FCGR2A: variants seen among roughly 807,000 people sequenced by gnomAD.
The protein encoded by FCGR2A is low affinity immunoglobulin gamma Fc region receptor II-a.
In FCGR2A, 18 loss-of-function variants were observed where a neutral mutation model predicts 29.3. The observed-to-expected ratio is 0.62, with a 90% CI of 0.43 to 0.91. The LOEUF is 0.91. Ranked by LOEUF, FCGR2A falls within the 40% of genes least tolerant of loss-of-function variation. The pLI is 0.00. For missense variants in FCGR2A, 287 were observed against 393.0 expected (o/e 0.73, Z 2.28); for synonymous variants, 126 against 144.8 (o/e 0.87, Z 0.93).
chr1:161,506,486 C>G lies in FCGR2A; in HGVS notation c.259C>G (p.Gln87Glu). The change falls in exon 3 of 7, where the codon CAG becomes GAG. Residue 87 changes from glutamine to glutamate, a missense_variant. Transcript: ENST00000271450. The part of the protein sequence containing the change: ...HNGNLIPTHT[Q>E]PSYRFKANNN... ...TGGGAATCTCATTCCCACCCACACG[C>G]AGCCCAGCTACAGGTTCAAGGCCAA... 1 of 1,614,232 alleles carries G rather than the reference C, an allele frequency of 6.2e-7. No homozygotes were observed. Among genetic ancestry groups the G allele is most frequent in the South Asian group, 1.1e-5 (1 of 91,088 alleles).
At chr1:161,508,581 C>G (rs1675570230) in intron 3 of FCGR2A, among the ~76,000 whole-genome samples, 1 of 144,698 alleles carries the variant, frequency 6.9e-6, no homozygotes, top group South Asian at 2.2e-4. Flanking sequence ...GAGCGAAACT[C>G]CATCTCAAAA....
chr1:161,519,953 C>T (rs1479391246), downstream of FCGR2A: 3 of 151,876 alleles, frequency 2.0e-5, no homozygotes, highest in Non-Finnish European at 2.9e-5. Context: ...TCATTCCAGG[C>T]AGATTAGAAA....
chr1:161,515,568 C>G (rs565190992), intron 6 of FCGR2A, among the ~76,000 whole-genome samples: 123 of 152,180 alleles, frequency 8.1e-4, no homozygotes, highest in African/African-American at 2.7e-3. Flanking sequence ...CGTACCCTTT[C>G]TCTGGGCCTT....
chr1:161,509,764 A>G, intron 3 of FCGR2A, 56 bp from the exon 4 acceptor site: 9 of 1,605,546 alleles, frequency 5.6e-6, no homozygotes, highest in Non-Finnish European at 7.7e-6. Flanking sequence ...TCTGAGACTG[A>G]AAAACCCTTG....
rs754010543 is a variant in FCGR2A, at chr1:161,517,990, A to G, written c.796A>G (p.Met266Val). ...AAQFEPPGRQMIAIRKRQLEE... is the reference protein window; with the variant it reads ...AAQFEPPGRQVIAIRKRQLEE... ...TTTCCTGCAGCCACCTGGACGTCAA[A>G]TGATTGCCATCAGAAAGAGACAACT... The change falls in exon 7 of 7, where the codon ATG becomes GTG. Residue 266 changes from methionine to valine, a missense_variant. Coordinates refer to ENST00000271450, the MANE Select transcript of FCGR2A (RefSeq NM_001136219.3). 2 of 1,613,740 alleles carry G rather than the reference A, an allele frequency of 1.2e-6. No homozygotes were observed. The highest frequency in any genetic ancestry group is 1.7e-5 in the Admixed American group (1 of 59,988).
At position 161,510,929 on chromosome 1, in the gene FCGR2A, A is replaced by G; in HGVS notation, c.715A>G (p.Ile239Val). ...AAIVAAVVALIYCRKKRISAN... is the reference protein window; with the variant it reads ...AAIVAAVVALVYCRKKRISAN... ...CATTGTTGCTGCTGTAGTGGCCTTGATCTACTGCAGGAAAAAGCGGATTTC... is the reference window on the plus strand; with the variant it reads ...CATTGTTGCTGCTGTAGTGGCCTTGGTCTACTGCAGGAAAAAGCGGATTTC... Residue 239 changes from isoleucine to valine, a missense_variant, in exon 5 of 7, where the codon ATC becomes GTC. Ile to Val is a conservative substitution (Grantham distance 29). This residue lies in a region of FCGR2A where 72 missense variants were observed against 68.6 expected (regional missense o/e 1.05). Transcript: ENST00000271450. The G allele has an allele frequency of 3.1e-6, 5 of 1,614,098 alleles. No individual in the cohort carries two copies. Among genetic ancestry groups the G allele is most frequent in the Non-Finnish European group, 4.2e-6 (5 of 1,180,006 alleles).
rs774942275 is a variant in FCGR2A at position 161,518,070 on chromosome 1, C to T, written c.876C>T (p.Asn292=). The T allele has an allele frequency of 4.8e-5, 77 of 1,613,660 alleles. No individual in the cohort carries two copies. Among genetic ancestry groups the T allele is most frequent in the Non-Finnish European group, 6.3e-5 (74 of 1,179,802 alleles). Reference sequence around the variant, plus strand: ...CTGACGGCGGCTACATGACTCTGAACCCCAGGGCACCTACTGACGATGATA... The same window carrying T: ...CTGACGGCGGCTACATGACTCTGAATCCCAGGGCACCTACTGACGATGATA... ...ETADGGYMTL[N]PRAPTDDDKN... The change falls in exon 7 of 7, where the codon AAC becomes AAT. Residue 292 remains asparagine, a synonymous_variant. Coordinates refer to ENST00000271450, the MANE Select transcript of FCGR2A (RefSeq NM_001136219.3).
chr1:161,509,811 G>A lies in FCGR2A; in HGVS notation c.365-9G>A. The A allele has an allele frequency of 6.2e-7, 1 of 1,614,074 alleles. No individual in the cohort carries two copies. The highest frequency in any genetic ancestry group is 8.5e-7 in the Non-Finnish European group (1 of 1,179,986). ...TACAACTTTTTCTTATCATATTTGT[G>A]TCTTTCAGAATGGCTGGTGCTCCAG... On this transcript the variant is annotated splice_polypyrimidine_tract_variant and intron_variant, in intron 3 of 6. Transcript: ENST00000271450.
chr1:161,506,734 C>T, intron 3 of FCGR2A, 143 bp downstream of exon 3: 2 of 1,423,524 alleles, frequency 1.4e-6, no homozygotes, highest in South Asian at 2.8e-5. Flanking sequence ...TTCCCCATTT[C>T]ACCCACCCTC....
At chr1:161,513,270 A>T (rs1675931565) in intron 5 of FCGR2A, 1 of 149,630 alleles carries the variant, frequency 6.7e-6, no homozygotes, top group Non-Finnish European at 1.5e-5. Flanking sequence ...CTAACCAGAG[A>T]AAGTCCTTCC....
At chr1:161,510,796 G>A in intron 4 of FCGR2A, 38 bp from the exon 5 acceptor site, 2 of 1,611,852 alleles carry the variant, frequency 1.2e-6, no homozygotes, top group Admixed American at 3.3e-5. Context: ...CATTAAAATA[G>A]TAACCCCCCA....
rs1431721209 is a variant in FCGR2A, at chr1:161,510,853, T to C, written c.639T>C (p.Ser213=). The C allele has an allele frequency of 6.2e-7, 1 of 1,614,192 alleles. No homozygotes were observed. The highest frequency in any genetic ancestry group is 1.1e-5 in the South Asian group (1 of 91,090). The change falls in exon 5 of 7, where the codon TCT becomes TCC. Residue 213 remains serine (S), a synonymous_variant. Coordinates refer to ENST00000271450, the MANE Select transcript of FCGR2A (RefSeq NM_001136219.3). ...ITVQVPSMGS[S]SPMGIIVAVV... ...CCCTAGTGCCCAGCATGGGCAGCTC[T>C]TCACCAATGGGGATCATTGTGGCTG...
intron 3 of FCGR2A, among the ~76,000 whole-genome samples, chr1:161,507,903 A>C (rs910497115): frequency 2.0e-5 from 3 of 151,992 alleles, no homozygotes; most frequent in Non-Finnish European, 2.9e-5. Flanking sequence ...CCTGACCAAC[A>C]TGGAGAAACC....
At chr1:161,521,104 C>T (rs1043837165), downstream of FCGR2A, among the ~76,000 whole-genome samples, 3 of 149,032 alleles carry the variant, frequency 2.0e-5, no homozygotes, top group South Asian at 2.2e-4. Flanking sequence ...TTCGGTATAA[C>T]CTGTCGCCCT....
chr1:161,520,254 G>A (rs761403839), downstream of FCGR2A, among the ~76,000 whole-genome samples: 5 of 152,054 alleles, frequency 3.3e-5, no homozygotes, highest in East Asian at 1.9e-4. Flanking sequence ...GTTCCTTATC[G>A]CTGGGGAGGC....
chr1:161,506,106 A>G, intron 2 of FCGR2A, 99 bp downstream of exon 2: 1 of 1,375,644 alleles, frequency 7.3e-7, no homozygotes, highest in East Asian at 2.3e-5. Context: ...TATTCCACTG[A>G]AAATCAAGCT....
At chr1:161,521,620 G>GTTAC (rs1676453341), downstream of FCGR2A, among the ~76,000 whole-genome samples, 2 of 152,016 alleles carry the variant, frequency 1.3e-5, no homozygotes, top group South Asian at 4.2e-4. Flanking sequence ...CCCAGTGGAA[G>GTTAC]GTAACTGAAT....
Position 161,505,969 on chromosome 1 carries a change from C to T in FCGR2A, c.86-18C>T. 1 of 1,613,950 alleles carries T rather than the reference C, an allele frequency of 6.2e-7. No individual in the cohort carries two copies. Among genetic ancestry groups the T allele is most frequent in the Non-Finnish European group, 8.5e-7 (1 of 1,179,774 alleles). Reference sequence around the variant, plus strand: ...TGTTCTCCTGCTCGACGTTGATCCACTCTCTTCTCTTTTACAGCTTCTGCA... The same window carrying T: ...TGTTCTCCTGCTCGACGTTGATCCATTCTCTTCTCTTTTACAGCTTCTGCA... On this transcript the variant is annotated intron_variant, in intron 1 of 6. Transcript: ENST00000271450.
intron 5 of FCGR2A, among the ~76,000 whole-genome samples, chr1:161,511,989 T>C (rs532303706): frequency 4.6e-5 from 7 of 152,270 alleles, no homozygotes; most frequent in Non-Finnish European, 7.4e-5. Context: ...GAGTCTAATT[T>C]CTGGGCCTAA....
Sources: allele counts gnomAD v4.1 joint callset (sites outside exome capture counted in the v4.1 genomes callset), GRCh38; gene constraint gnomAD v4.1.1; regional missense constraint gnomAD v4.1.1; transcripts MANE v1.5; gene names NCBI Gene and HGNC (gene_info 2026-07-23, HGNC 2026-07-21).